Variants in SPIDR observed in about 807,000 individuals in gnomAD.
SPIDR encodes the protein DNA repair-scaffolding protein.
Under a neutral mutation model 104.6 loss-of-function variants are expected in SPIDR, and 93 were observed. That is an observed-to-expected ratio of 0.89 (90% CI 0.75 to 1.06). SPIDR has a LOEUF of 1.06. SPIDR is among the 50% of genes least tolerant of loss of function. The probability of loss-of-function intolerance (pLI) is 0.00; values close to 1 mark genes in which losing one functional copy is unlikely to be tolerated. For missense variants in SPIDR, 1,154 were observed against 1,111.2 expected (o/e 1.04, Z -0.55); for synonymous variants, 431 against 416.9 (o/e 1.03, Z -0.41).
At chr8:47,628,479 A>G (rs145746113) in intron 10 of SPIDR, among the ~76,000 whole-genome samples, 50 of 152,342 alleles carry the variant, frequency 3.3e-4, no homozygotes, top group African/African-American at 1.1e-3. Context: ...CACCAGCATG[A>G]GTGGCTGAAA....
Position 47,599,064 on chromosome 8 carries a change from G to A in SPIDR, c.1412G>A (p.Ser471Asn), listed in dbSNP as rs1481161828. ...LRDSLLDVVE[S>N]QGAASWPGAG... ...GATTCTCTCCTGGATGTGGTGGAAA[G>A]CCAGGGAGCTGCCTCGTGGCCAGGA... Residue 471 changes from serine (S) to asparagine (N), a missense_variant, in exon 10 of 20, where the codon AGC becomes AAC. Ser to Asn is a conservative substitution (Grantham distance 46). Transcript: ENST00000297423. The A allele has an allele frequency of 1.2e-6, 2 of 1,612,978 alleles. No homozygotes were observed. Among genetic ancestry groups the A allele is most frequent in the Non-Finnish European group, 1.7e-6 (2 of 1,179,460 alleles).
intron 8 of SPIDR, among the ~76,000 whole-genome samples, chr8:47,521,380 C>T (rs943121869): frequency 6.6e-6 from 1 of 151,898 alleles, no homozygotes; most frequent in Non-Finnish European, 1.5e-5. Flanking sequence ...GAAGAAATTA[C>T]AGAACCTACA....
At chr8:47,480,347 G>C (rs1023331729) in intron 8 of SPIDR, among the ~76,000 whole-genome samples, 15 of 152,172 alleles carry the variant, frequency 9.9e-5, no homozygotes, top group African/African-American at 2.4e-5. Context: ...ATACAAACAT[G>C]TTTGTCTCTT....
At chr8:47,623,709 C>T (rs1329811982) in intron 10 of SPIDR, among the ~76,000 whole-genome samples, 1 of 152,120 alleles carries the variant, frequency 6.6e-6, no homozygotes, top group Admixed American at 6.5e-5. Context: ...ATATATGCAC[C>T]CAATACAGGA....
intron 11 of SPIDR, among the ~76,000 whole-genome samples, chr8:47,680,090 A>G (rs2076914201): frequency 1.3e-5 from 2 of 152,206 alleles, no homozygotes; most frequent in South Asian, 2.1e-4. Flanking sequence ...CACGCTAGCC[A>G]TGTGCCTCTG....
chr8:47,308,096 C>G (rs1245550291), intron 5 of SPIDR, among the ~76,000 whole-genome samples: 1 of 152,044 alleles, frequency 6.6e-6, no homozygotes, highest in Non-Finnish European at 1.5e-5. Context: ...GAGTCTCACT[C>G]TGTTGCCCAG....
intron 1 of SPIDR, among the ~76,000 whole-genome samples, chr8:47,267,435 A>C (rs1199860258): frequency 2.6e-5 from 4 of 152,234 alleles, no homozygotes; most frequent in Admixed American, 2.0e-4. Flanking sequence ...GATAACTGTT[A>C]GAATTTTCCA....
At chr8:47,288,554 A>G (rs2039301685) in intron 3 of SPIDR, among the ~76,000 whole-genome samples, 1 of 152,188 alleles carries the variant, frequency 6.6e-6, no homozygotes, top group Non-Finnish European at 1.5e-5. Flanking sequence ...GAAGTCTAGG[A>G]TTACAGGCGT....
intron 5 of SPIDR, among the ~76,000 whole-genome samples, chr8:47,344,376 C>G (rs1234261090): frequency 1.3e-5 from 2 of 152,114 alleles, no homozygotes; most frequent in Non-Finnish European, 2.9e-5. Flanking sequence ...CATTGTTGGA[C>G]ATTTGGGTTG....
At chr8:47,424,810 A>T (rs912716656) in intron 7 of SPIDR, among the ~76,000 whole-genome samples, 1 of 152,150 alleles carries the variant, frequency 6.6e-6, no homozygotes, top group East Asian at 1.9e-4. Flanking sequence ...GCCTTGGCTC[A>T]CTGTAACCTC....
intron 8 of SPIDR, among the ~76,000 whole-genome samples, chr8:47,578,720 C>T (rs1336449405): frequency 5.3e-5 from 8 of 152,244 alleles, no homozygotes; most frequent in Middle Eastern, 3.4e-3. Context: ...ATATTGTTCA[C>T]TTTCATACAT....
intron 8 of SPIDR, among the ~76,000 whole-genome samples, chr8:47,514,744 T>C (rs530006619): frequency 4.9e-4 from 75 of 152,270 alleles, no homozygotes; most frequent in Admixed American, 9.8e-4. Context: ...TATTAAGATA[T>C]CTGAAAAGGA....
intron 10 of SPIDR, among the ~76,000 whole-genome samples, chr8:47,648,919 G>A (rs1446023309): frequency 1.3e-5 from 2 of 152,118 alleles, no homozygotes; most frequent in Non-Finnish European, 2.9e-5. Context: ...ATAAGGAATA[G>A]GATATTAGAC....
intron 10 of SPIDR, among the ~76,000 whole-genome samples, chr8:47,626,558 C>G (rs2066152995): frequency 6.6e-6 from 1 of 152,014 alleles, no homozygotes; most frequent in Admixed American, 6.6e-5. Flanking sequence ...AACAAACAAC[C>G]CCATCAACAA....
At chr8:47,540,707 C>T (rs2087931266) in intron 8 of SPIDR, among the ~76,000 whole-genome samples, 1 of 152,086 alleles carries the variant, frequency 6.6e-6, no homozygotes, top group African/African-American at 2.4e-5. Flanking sequence ...TTGTCTTTCC[C>T]CCCATTGCCC....
intron 10 of SPIDR, among the ~76,000 whole-genome samples, chr8:47,649,980 T>C (rs1444375599): frequency 6.6e-6 from 1 of 152,210 alleles, no homozygotes; most frequent in Non-Finnish European, 1.5e-5. Flanking sequence ...AAACCGTATA[T>C]GACGAACCCA....
intron 8 of SPIDR, chr8:47,547,195 G>C (rs530350746): frequency 3.1e-6 from 2 of 647,544 alleles, no homozygotes; most frequent in East Asian, 7.5e-5. Flanking sequence ...GATTCCTTTT[G>C]TGCCCACGAA....
chr8:47,722,208 A>G (rs1456204603), intron 16 of SPIDR, among the ~76,000 whole-genome samples: 3 of 152,184 alleles, frequency 2.0e-5, no homozygotes, highest in African/African-American at 7.2e-5. Context: ...GAAAACAATT[A>G]ACTTTTTGAT....
chr8:47,389,228 G>A (rs999271201), intron 5 of SPIDR, among the ~76,000 whole-genome samples: 1 of 152,180 alleles, frequency 6.6e-6, no homozygotes, highest in Non-Finnish European at 1.5e-5. Context: ...ATATCTGAAG[G>A]AAGTAATCTG....
Sources: gnomAD v4.1 joint callset for allele counts (sites outside exome capture counted in the v4.1 genomes callset) on GRCh38, gnomAD v4.1.1 for gene constraint, MANE v1.5 for transcripts, NCBI Gene and HGNC (gene_info 2026-07-23, HGNC 2026-07-21) for gene names.